CHD7: variants seen among roughly 807,000 people sequenced by gnomAD.
CHD7 encodes chromodomain helicase DNA binding protein 7.
Under a neutral mutation model 307.3 loss-of-function variants are expected in CHD7, and 24 were observed. The ratio of observed to expected loss-of-function variants is 0.08; its 90% CI spans 0.06 to 0.11. The LOEUF (loss-of-function observed/expected upper bound fraction) is 0.11, where lower values mean the gene tolerates loss of function less well. Among genes scored for constraint, CHD7 ranks in the 10% least tolerant of loss-of-function variants. The pLI, the probability that CHD7 is intolerant of heterozygous loss-of-function variation, is 1.00. For missense variants in CHD7, 3,106 were observed against 3,727.1 expected, an observed-to-expected ratio of 0.83 and a Z score of 4.34; for synonymous variants, 1,363 against 1,349.9, an observed-to-expected ratio of 1.01 and a Z score of -0.21.
chr8:60,856,270 C>T (rs1055888366), intron 33 of CHD7, 68 bp downstream of exon 33: 6 of 1,342,728 alleles, frequency 4.5e-6, no homozygotes, highest in Non-Finnish European at 5.0e-6. Flanking sequence ...AGTTTGCGAG[C>T]TTATATTTCA....
intron 1 of CHD7, among the ~76,000 whole-genome samples, chr8:60,718,861 G>A (rs1014187565): frequency 4.6e-5 from 7 of 152,180 alleles, no homozygotes; most frequent in Non-Finnish European, 8.8e-5. Flanking sequence ...CCCTATGCAA[G>A]TGTATCATTT....
chr8:60,712,482 C>T (rs1332822353), intron 1 of CHD7, among the ~76,000 whole-genome samples: 1 of 152,190 alleles, frequency 6.6e-6, no homozygotes, highest in Non-Finnish European at 1.5e-5. Flanking sequence ...CCTCCTGCAT[C>T]GGATGCCTCA....
chr8:60,834,143 A>T (rs1804645150), intron 15 of CHD7, among the ~76,000 whole-genome samples: 1 of 152,240 alleles, frequency 6.6e-6, no homozygotes, highest in African/African-American at 2.4e-5. Flanking sequence ...ATTTAAAATT[A>T]AAATTCTCTG....
At chr8:60,845,553 G>C (rs2150794665) in intron 23 of CHD7, 144 bp downstream of exon 23, 1 of 846,222 alleles carries the variant, frequency 1.2e-6, no homozygotes. Flanking sequence ...TGCGGATCTT[G>C]GTGTCTGAGG....
Position 60,779,032 on chromosome 8 carries a change from C to T in CHD7, c.1666-1968C>T, listed in dbSNP as rs569493059. On this transcript the variant is annotated intron_variant, in intron 2 of 37. Coordinates refer to ENST00000423902, the MANE Select transcript of CHD7 (RefSeq NM_017780.4). ...TCTTCTTCAAACTTTGACCTTGCCT[C>T]TGTGTTTCCTATATATCGTTACTCT... Among the ~76,000 whole-genome samples, 11 of 152,294 alleles carry T rather than the reference C, an allele frequency of 7.2e-5. No homozygotes were observed. In the South Asian group the frequency reaches 2.3e-3, roughly 32 times the overall value.
chr8:60,741,908 C>T lies in CHD7; in HGVS notation c.476C>T (p.Pro159Leu), dbSNP rs1201043974. 9 of 1,613,076 alleles carry T rather than the reference C, an allele frequency of 5.6e-6. No homozygotes were observed. Among genetic ancestry groups the T allele is most frequent in the Non-Finnish European group, 6.8e-6 (8 of 1,179,628 alleles). The change falls in exon 2 of 38, where the codon CCC becomes CTC. Residue 159 changes from proline (P) to leucine (L), a missense_variant. Around this residue, in one of 10 missense-constraint regions of CHD7, gnomAD observed 998 missense variants for 1,004.5 expected, o/e 0.99. Coordinates refer to ENST00000423902, the MANE Select transcript of CHD7 (RefSeq NM_017780.4). ...CAGGTACCAGACCAGATACGAGCCC[C>T]CTACCAGCAGCAGCAGCCACAGCCG... ...AVQVPDQIRA[P>L]YQQQQPQPQP...
intron 1 of CHD7, among the ~76,000 whole-genome samples, chr8:60,723,877 T>C (rs1276034760): frequency 6.6e-6 from 1 of 152,212 alleles, no homozygotes; most frequent in Non-Finnish European, 1.5e-5. Flanking sequence ...AGTGGAGAAA[T>C]TGTGGACACA....
At chr8:60,747,781 C>A (rs1431200142) in intron 2 of CHD7, among the ~76,000 whole-genome samples, 1 of 152,176 alleles carries the variant, frequency 6.6e-6, no homozygotes, top group African/African-American at 2.4e-5. Flanking sequence ...GGAGCACCAC[C>A]GCTTAACGTC....
chr8:60,737,528 A>G (rs937545044), intron 1 of CHD7, among the ~76,000 whole-genome samples: 3 of 152,306 alleles, frequency 2.0e-5, no homozygotes, highest in Admixed American at 1.3e-4. Flanking sequence ...CCTAACTCTG[A>G]AATGTTTGTA....
intron 2 of CHD7, among the ~76,000 whole-genome samples, chr8:60,766,996 G>A (rs556446071): frequency 4.6e-4 from 70 of 152,324 alleles, no homozygotes; most frequent in African/African-American, 1.6e-3. Context: ...AGAAATTATA[G>A]GTCGAGAAGT....
intron 3 of CHD7, among the ~76,000 whole-genome samples, chr8:60,786,975 A>G (rs1811520264): frequency 6.6e-6 from 1 of 152,176 alleles, no homozygotes; most frequent in African/African-American, 2.4e-5. Flanking sequence ...GTAGAAGTCT[A>G]TGTGACTTAG....
chr8:60,730,384 A>G (rs1808382991), intron 1 of CHD7, among the ~76,000 whole-genome samples: 1 of 152,224 alleles, frequency 6.6e-6, no homozygotes, highest in African/African-American at 2.4e-5. Context: ...AATTTGGCTA[A>G]AAGATGGCAT....
At chr8:60,691,198 A>T (rs1806176746) in intron 1 of CHD7, among the ~76,000 whole-genome samples, 1 of 152,208 alleles carries the variant, frequency 6.6e-6, no homozygotes, top group South Asian at 2.1e-4. Flanking sequence ...CTGGGATTAC[A>T]GGTGTCTGTG....
In CHD7 at chr8:60,838,338, A is replaced by G; in HGVS notation, c.4533+83A>G. 5 of 1,239,172 alleles carry G rather than the reference A, an allele frequency of 4.0e-6. No homozygotes were observed. In the South Asian group the frequency reaches 6.8e-5, roughly 17 times the overall value. The allele number at this position is 1,239,172 out of a possible 1,614,324, so 76.8% of individuals were successfully genotyped here. On this transcript the variant is annotated intron_variant, in intron 19 of 37. Transcript: ENST00000423902. The stretch of plus-strand genomic sequence containing the variant: ...AAAAGTACCTTGTAAAAGTGCTTAC[A>G]AGATGCATTGGGAATTAATCAAATT...
chr8:60,689,263 A>G (rs1296824086), intron 1 of CHD7, among the ~76,000 whole-genome samples: 1 of 152,246 alleles, frequency 6.6e-6, no homozygotes, highest in Non-Finnish European at 1.5e-5. Context: ...AAATGTATCA[A>G]TATCAAAAGT....
At chr8:60,830,287 C>T in intron 14 of CHD7, 35 bp from the exon 15 acceptor site, 1 of 1,578,134 alleles carries the variant, frequency 6.3e-7, no homozygotes, top group Admixed American at 1.9e-5. Flanking sequence ...GCAAGCAAAT[C>T]ATGACACTAG....
At chr8:60,832,251 C>T (rs545120774) in intron 15 of CHD7, among the ~76,000 whole-genome samples, 20 of 152,258 alleles carry the variant, frequency 1.3e-4, no homozygotes, top group African/African-American at 4.3e-4. Flanking sequence ...TATCGAACTC[C>T]TGAGCTCAAG....
At chr8:60,729,752 G>A (rs1260080467) in intron 1 of CHD7, among the ~76,000 whole-genome samples, 2 of 152,124 alleles carry the variant, frequency 1.3e-5, no homozygotes, top group Non-Finnish European at 2.9e-5. Flanking sequence ...TGTCATGTCT[G>A]GTAGTAGCTT....
chr8:60,840,280 T>A (rs1164235381), intron 19 of CHD7, among the ~76,000 whole-genome samples: 1 of 152,190 alleles, frequency 6.6e-6, no homozygotes, highest in Non-Finnish European at 1.5e-5. Flanking sequence ...CCTTTACATC[T>A]TTCAGCCTTG....
Sources: allele counts gnomAD v4.1 joint callset (sites outside exome capture counted in the v4.1 genomes callset), GRCh38; gene constraint gnomAD v4.1.1; regional missense constraint gnomAD v4.1.1; transcripts MANE v1.5; gene names NCBI Gene and HGNC (gene_info 2026-07-23, HGNC 2026-07-21).